RIGI: variants seen among roughly 807,000 people sequenced by gnomAD.
The protein encoded by RIGI is RNA sensor RIG-I.
chr9:32,474,983 C>T, the RIGI span, among the ~76,000 whole-genome samples: 5 of 152,126 alleles, frequency 3.3e-5, no homozygotes, highest in Admixed American at 2.0e-4. Flanking sequence ...GACCAAGTCT[C>T]ACTCCATCAC....
the RIGI span, among the ~76,000 whole-genome samples, chr9:32,504,745 CATAAAAT>C: frequency 1.3e-4 from 16 of 125,566 alleles, no homozygotes; most frequent in African/African-American, 3.7e-4. Flanking sequence ...ATATTTAATA[CATAAAAT>C]ATATAAAATA....
chr9:32,507,950 T>A, the RIGI span, among the ~76,000 whole-genome samples: 2 of 152,268 alleles, frequency 1.3e-5, no homozygotes, highest in African/African-American at 4.8e-5. Flanking sequence ...ATATAACTAG[T>A]TTTCCTTGTG....
chr9:32,461,559 A>G, the RIGI span, among the ~76,000 whole-genome samples: 2 of 152,326 alleles, frequency 1.3e-5, no homozygotes, highest in South Asian at 2.1e-4. Flanking sequence ...TTTACATACA[A>G]AATGGGACAA....
chr9:32,472,905 A>C, the RIGI span: 1 of 955,756 alleles, frequency 1.0e-6, no homozygotes, highest in Non-Finnish European at 1.5e-6. Flanking sequence ...ACACACACAC[A>C]TATACATACA....
chr9:32,488,949 G>C, the RIGI span: 2 of 1,441,700 alleles, frequency 1.4e-6, no homozygotes, highest in South Asian at 2.9e-5. Flanking sequence ...TCTCTGGAAA[G>C]GTGTTTATTT....
At chr9:32,498,970 G>A in the RIGI span, among the ~76,000 whole-genome samples, 25 of 127,886 alleles carry the variant, frequency 2.0e-4, 1 homozygote, top group East Asian at 6.6e-4. Flanking sequence ...GCAACAGAGC[G>A]AGACTCTGTC....
At chr9:32,477,384 A>T in the RIGI span, among the ~76,000 whole-genome samples, 4 of 152,230 alleles carry the variant, frequency 2.6e-5, no homozygotes, top group African/African-American at 9.6e-5. Context: ...TATTTAGAAA[A>T]TTATGGAAGA....
At chr9:32,455,810 TAA>T in the RIGI span, 3 of 152,200 alleles carry the variant, frequency 2.0e-5, no homozygotes, top group Non-Finnish European at 1.5e-5. Context: ...TTCTTTTAAT[TAA>T]AAACTCTCCA....
At chr9:32,492,567 C>T in the RIGI span, 1 of 1,611,986 alleles carries the variant, frequency 6.2e-7, no homozygotes, top group South Asian at 1.1e-5. Context: ...GTTTATTGAT[C>T]AATTATCTCA....
chr9:32,504,068 C>CACACACACACACACACACACCCACA, the RIGI span, among the ~76,000 whole-genome samples: 1 of 151,218 alleles, frequency 6.6e-6, no homozygotes, highest in Non-Finnish European at 1.5e-5. Flanking sequence ...CACACACACA[C>CACACACACACACACACACACCCACA]CCAGGTCTGC....
the RIGI span, chr9:32,488,904 A>G: frequency 6.3e-7 from 1 of 1,581,816 alleles, no homozygotes; most frequent in East Asian, 2.3e-5. Flanking sequence ...ACATGTAAGG[A>G]AAAAAGAAAA....
chr9:32,515,381 C>T, the RIGI span, among the ~76,000 whole-genome samples: 6 of 150,244 alleles, frequency 4.0e-5, no homozygotes, highest in African/African-American at 1.5e-4. Context: ...ATTTCTTCAT[C>T]TGAGAAATAT....
At chr9:32,471,607 C>A in the RIGI span, among the ~76,000 whole-genome samples, 1 of 152,148 alleles carries the variant, frequency 6.6e-6, no homozygotes, top group African/African-American at 2.4e-5. Context: ...GAGCTCTCTA[C>A]CAGTTTTTGG....
chr9:32,486,583 G>C, the RIGI span, among the ~76,000 whole-genome samples: 1 of 151,002 alleles, frequency 6.6e-6, no homozygotes, highest in Non-Finnish European at 1.5e-5. Context: ...GAAAGCAAGA[G>C]TAGTCATGTA....
chr9:32,466,605 T>G, the RIGI span, among the ~76,000 whole-genome samples: 1 of 149,188 alleles, frequency 6.7e-6, no homozygotes, highest in South Asian at 2.1e-4. Flanking sequence ...TGAGGCAGGA[T>G]TGCTTGAACC....
At chr9:32,467,704 C>G in the RIGI span, 1 of 1,472,028 alleles carries the variant, frequency 6.8e-7, no homozygotes. Context: ...ATGACACATA[C>G]ACTTATAAAT....
chr9:32,504,237 C>T, the RIGI span, among the ~76,000 whole-genome samples: 3 of 152,036 alleles, frequency 2.0e-5, no homozygotes, highest in South Asian at 2.1e-4. Flanking sequence ...TTAGAGTAAA[C>T]GAGATGCTGG....
At chr9:32,457,038 C>T in the RIGI span, 7 of 1,047,756 alleles carry the variant, frequency 6.7e-6, no homozygotes, top group East Asian at 9.5e-5. Context: ...GGGGTACAAG[C>T]GATCCATGAT....
chr9:32,516,084 T>C, the RIGI span, among the ~76,000 whole-genome samples: 1 of 152,214 alleles, frequency 6.6e-6, no homozygotes, highest in Non-Finnish European at 1.5e-5. Context: ...ACTTGTTTTA[T>C]CTGAGATCCT....
Sources: gnomAD v4.1 joint callset for allele counts (sites outside exome capture counted in the v4.1 genomes callset) on GRCh38, gnomAD v4.1.1 for gene constraint, MANE v1.5 for transcripts, NCBI Gene and HGNC (gene_info 2026-07-23, HGNC 2026-07-21) for gene names.